ATP10A: variants seen among roughly 807,000 people sequenced by gnomAD.
The protein encoded by ATP10A is ATPase phospholipid transporting 10A (putative).
In ATP10A, 111 loss-of-function variants were observed where a neutral mutation model predicts 147.8. The ratio of observed to expected loss-of-function variants is 0.75; its 90% CI spans 0.64 to 0.88. ATP10A has a LOEUF of 0.88. Among genes scored for constraint, ATP10A ranks in the 40% least tolerant of loss-of-function variants. The pLI, the probability that ATP10A is intolerant of heterozygous loss-of-function variation, is 0.00. For missense variants in ATP10A, 1,927 were observed against 1,959.0 expected (o/e 0.98, Z 0.31); for synonymous variants, 875 against 841.6 (o/e 1.04, Z -0.69).
At chr15:25,806,772 C>G (rs1443517558) in intron 1 of ATP10A, among the ~76,000 whole-genome samples, 1 of 152,166 alleles carries the variant, frequency 6.6e-6, no homozygotes, top group Non-Finnish European at 1.5e-5. Flanking sequence ...TTCAGGGACT[C>G]AAAAGTCAAA....
intron 2 of ATP10A, among the ~76,000 whole-genome samples, chr15:25,736,818 A>T (rs1887314136): frequency 1.3e-5 from 2 of 152,166 alleles, no homozygotes; most frequent in Non-Finnish European, 2.9e-5. Context: ...CAATTAGTGG[A>T]TTTCTTTTTT....
At chr15:25,755,994 T>C (rs904665801) in intron 2 of ATP10A, among the ~76,000 whole-genome samples, 8 of 152,232 alleles carry the variant, frequency 5.3e-5, no homozygotes, top group South Asian at 2.1e-4. Context: ...ATAACAAACC[T>C]TACCTTTCTT....
At chr15:25,712,195 G>A (rs534388687) in intron 10 of ATP10A, among the ~76,000 whole-genome samples, 59 of 152,356 alleles carry the variant, frequency 3.9e-4, no homozygotes, top group African/African-American at 1.4e-3. Context: ...GGGGTGGAGT[G>A]TGAAATGTGG....
chr15:25,718,395 C>T lies in ATP10A; in HGVS notation c.1368G>A (p.Gln456=), dbSNP rs774406716. 1.3e-6 allele frequency: 2 copies of T among 1,595,490 alleles called. No homozygotes were observed. Among genetic ancestry groups the T allele is most frequent in the Middle Eastern group, 1.9e-4 (1 of 5,278 alleles). ...CTGCCTCTTGGTACCTGGCCAGACG[C>T]TGCGCTGCGGGGAGAGGGCGCAGGG... is the stretch of plus-strand genomic sequence containing the variant. ...GVEYSHDANA[Q]RLARYQEADS... The change falls in exon 8 of 21, where the codon CAG becomes CAA. Residue 456 remains glutamine, a synonymous_variant. Coordinates refer to ENST00000555815, the MANE Select transcript of ATP10A (RefSeq NM_024490.4).
At chr15:25,828,410 C>A (rs1892209537) in intron 1 of ATP10A, among the ~76,000 whole-genome samples, 1 of 152,176 alleles carries the variant, frequency 6.6e-6, no homozygotes, top group Admixed American at 6.5e-5. Flanking sequence ...GAACAAAACT[C>A]AGTAAGTTTA....
intron 10 of ATP10A, chr15:25,709,408 G>C (rs568966544): frequency 6.6e-6 from 1 of 152,234 alleles, no homozygotes; most frequent in Non-Finnish European, 1.5e-5. Flanking sequence ...GAGCAAAGCC[G>C]TGCCTAACTG....
At chr15:25,777,403 T>C (rs74003888) in intron 2 of ATP10A, among the ~76,000 whole-genome samples, 23,959 of 151,914 alleles carry the variant, frequency 0.16, 1,970 homozygotes, top group Non-Finnish European at 0.18. Context: ...GGCACCTCCC[T>C]GGCAATAGCC....
intron 2 of ATP10A, among the ~76,000 whole-genome samples, chr15:25,776,241 G>A (rs1370677367): frequency 3.9e-5 from 6 of 152,110 alleles, no homozygotes; most frequent in Non-Finnish European, 7.3e-5. Flanking sequence ...ATGCACCTTC[G>A]TGGCAGGGCT....
At chr15:25,783,220 G>C (rs1294078323) in intron 1 of ATP10A, among the ~76,000 whole-genome samples, 1 of 152,098 alleles carries the variant, frequency 6.6e-6, no homozygotes, top group African/African-American at 2.4e-5. Flanking sequence ...CTGTAAAAGA[G>C]TAAAAAGCAC....
At chr15:25,797,808 G>C (rs1180429678) in intron 1 of ATP10A, among the ~76,000 whole-genome samples, 1 of 152,050 alleles carries the variant, frequency 6.6e-6, no homozygotes, top group Non-Finnish European at 1.5e-5. Flanking sequence ...GAGACCTTCA[G>C]CTCTGCCTTT....
rs754992451 is a variant in ATP10A, at chr15:25,725,936, A to G, written c.979+15T>C. The stretch of plus-strand genomic sequence containing the variant: ...CCTGGCCCCCACTCATTTCCGATCC[A>G]TCTAGGAGACTTACCGACTGCTGAA... On this transcript the variant is annotated intron_variant, in intron 5 of 20. Coordinates refer to ENST00000555815, the MANE Select transcript of ATP10A (RefSeq NM_024490.4). The G allele has an allele frequency of 5.6e-6, 9 of 1,610,918 alleles. No individual in the cohort carries two copies. In the African/African-American group the frequency reaches 1.1e-4, roughly 19 times the overall value.
chr15:25,687,068 C>T (rs1177630647), intron 16 of ATP10A, among the ~76,000 whole-genome samples: 1 of 107,806 alleles, frequency 9.3e-6, no homozygotes, highest in Non-Finnish European at 1.7e-5. Flanking sequence ...CACCCCCTTC[C>T]TGCTGGGTCT....
intron 1 of ATP10A, among the ~76,000 whole-genome samples, chr15:25,829,881 G>A (rs1892279090): frequency 6.6e-6 from 1 of 152,196 alleles, no homozygotes; most frequent in Admixed American, 6.5e-5. Flanking sequence ...TCACTCCCAG[G>A]GAAGGGAAGA....
chr15:25,829,619 T>C (rs1211087337), intron 1 of ATP10A, among the ~76,000 whole-genome samples: 3 of 150,968 alleles, frequency 2.0e-5, no homozygotes, highest in African/African-American at 4.9e-5. Flanking sequence ...ATAAACAGAG[T>C]AGGGACAGAG....
chr15:25,761,269 T>A (rs1389205865), intron 2 of ATP10A, among the ~76,000 whole-genome samples: 1 of 152,198 alleles, frequency 6.6e-6, no homozygotes, highest in Non-Finnish European at 1.5e-5. Context: ...CCGGGGCCAC[T>A]CTCAGTACCA....
At position 25,716,817 on chromosome 15, in the gene ATP10A, A is replaced by G. The variant is rs10873607; in HGVS notation, c.1689T>C (p.Pro563=). The stretch of plus-strand genomic sequence containing the variant: ...AGAAATCAAAGACGTCAGACAGCTC[A>G]GGCGAGAGGTGGGCCAGCAGGTGCT... ...HQEHLLAHLS[P]ELSDVFDFFI... Residue 563 remains proline (P), a synonymous_variant, in exon 9 of 21, where the codon CCT becomes CCC. Coordinates refer to ENST00000555815, the MANE Select transcript of ATP10A (RefSeq NM_024490.4). The G allele has an allele frequency of 1, 1,609,079 of 1,610,946 alleles. 803,622 individuals are homozygous for G. Among genetic ancestry groups the G allele is most frequent in the South Asian group, 1 (90,468 of 90,474 alleles).
chr15:25,715,301 T>C (rs994440362), intron 9 of ATP10A, among the ~76,000 whole-genome samples: 1 of 152,164 alleles, frequency 6.6e-6, no homozygotes, highest in African/African-American at 2.4e-5. Context: ...TGCACAGCAA[T>C]CCCTGCTGGC....
At chr15:25,692,788 A>ATTCTTTCT (rs1266225009) in intron 14 of ATP10A, among the ~76,000 whole-genome samples, 1 of 152,036 alleles carries the variant, frequency 6.6e-6, no homozygotes, top group Non-Finnish European at 1.5e-5. Flanking sequence ...GCTTTAACGC[A>ATTCTTTCT]TTCTTTCTTT....
At chr15:25,788,503 G>A (rs979727798) in intron 1 of ATP10A, among the ~76,000 whole-genome samples, 1 of 152,246 alleles carries the variant, frequency 6.6e-6, no homozygotes, top group Non-Finnish European at 1.5e-5. Flanking sequence ...AACAGTGACT[G>A]TTCAATTAAG....
Sources: allele counts gnomAD v4.1 joint callset (sites outside exome capture counted in the v4.1 genomes callset), GRCh38; gene constraint gnomAD v4.1.1; transcripts MANE v1.5; gene names NCBI Gene and HGNC (gene_info 2026-07-23, HGNC 2026-07-21).